CHCHD6: variants seen among roughly 807,000 people sequenced by gnomAD.
CHCHD6 encodes the protein coiled-coil-helix-coiled-coil-helix domain containing 6, also known as MICOS complex subunit MIC25.
A neutral mutation model predicts 32.3 loss-of-function variants in CHCHD6; 28 were observed. The observed-to-expected ratio is 0.87, with a 90% confidence interval of 0.64 to 1.19. CHCHD6 has a LOEUF of 1.19. Ranked by LOEUF, CHCHD6 falls within the 50% of genes most tolerant of loss-of-function variation. CHCHD6 has a pLI of 0.00. For missense variants in CHCHD6, 333 were observed against 307.0 expected, an observed-to-expected ratio of 1.08 and a Z score of -0.63; for synonymous variants, 122 against 117.5, an observed-to-expected ratio of 1.04 and a Z score of -0.25.
intron 6 of CHCHD6, among the ~76,000 whole-genome samples, chr3:126,946,263 C>T (rs944148673): frequency 2.0e-5 from 3 of 152,220 alleles, no homozygotes; most frequent in Non-Finnish European, 2.9e-5. Context: ...GCCCAGAAAG[C>T]GCCCCACCTG....
chr3:126,912,506 G>A lies in CHCHD6; in HGVS notation c.496-2174G>A, dbSNP rs77717382. On this transcript the variant is annotated intron_variant, in intron 5 of 7. Coordinates refer to ENST00000290913, the MANE Select transcript of CHCHD6 (RefSeq NM_032343.3). The stretch of plus-strand genomic sequence containing the variant: ...ATTTATTTCGTGCCTGTCGTATGCC[G>A]GGAGGGTTGGCATTTCCCAGCTGTC... Among the ~76,000 whole-genome samples, 874 of 152,298 alleles carry A rather than the reference G, an allele frequency of 5.7e-3. 10 individuals carry two copies. The highest frequency in any genetic ancestry group is 0.02 in the African/African-American group (838 of 41,560).
At chr3:126,738,767 C>G in intron 4 of CHCHD6, among the ~76,000 whole-genome samples, 1 of 152,176 alleles carries the variant, frequency 6.6e-6, no homozygotes, top group Non-Finnish European at 1.5e-5. Context: ...GGTGACAATT[C>G]AAAGGTCTGA....
chr3:126,831,699 A>C (rs1032673008), intron 4 of CHCHD6, among the ~76,000 whole-genome samples: 4 of 152,216 alleles, frequency 2.6e-5, no homozygotes, highest in Non-Finnish European at 5.9e-5. Flanking sequence ...CATACTCAAT[A>C]TGTGTGCTTC....
chr3:126,921,080 A>G (rs2078239887), intron 6 of CHCHD6, among the ~76,000 whole-genome samples: 1 of 97,956 alleles, frequency 1.0e-5, no homozygotes, highest in Non-Finnish European at 2.7e-5. Flanking sequence ...CAAGCAGTAA[A>G]GGGCCACCCC....
At chr3:126,739,472 G>C (rs1471038540) in intron 4 of CHCHD6, among the ~76,000 whole-genome samples, 1 of 152,202 alleles carries the variant, frequency 6.6e-6, no homozygotes, top group Non-Finnish European at 1.5e-5. Flanking sequence ...AGACTATGCA[G>C]CTCCAGAGAT....
In CHCHD6 at chr3:126,935,433, G is replaced by A. The variant is rs192817240; in HGVS notation, c.566+20683G>A. On this transcript the variant is annotated intron_variant, in intron 6 of 7. Transcript: ENST00000290913. Reference sequence around the variant, plus strand: ...AGGCCCAGGCTTACATGATAACCAGGTTAAGTCCCAGGCTGATGTTCCATA... The same window carrying A: ...AGGCCCAGGCTTACATGATAACCAGATTAAGTCCCAGGCTGATGTTCCATA... 9.8e-4 allele frequency among the ~76,000 whole-genome samples: 150 copies of A among 152,328 alleles called. 1 individual carries two copies. Among genetic ancestry groups the A allele is most frequent in the African/African-American group, 3.6e-3 (149 of 41,576 alleles).
At chr3:126,955,918 T>C (rs2078777429) in intron 6 of CHCHD6, among the ~76,000 whole-genome samples, 2 of 152,088 alleles carry the variant, frequency 1.3e-5, no homozygotes, top group African/African-American at 2.4e-5. Flanking sequence ...GGGGATGACA[T>C]GGACGAGAAG....
intron 1 of CHCHD6, among the ~76,000 whole-genome samples, chr3:126,713,231 A>G (rs1245272678): frequency 6.6e-6 from 1 of 152,194 alleles, no homozygotes; most frequent in African/African-American, 2.4e-5. Flanking sequence ...AAATGCAGAC[A>G]GTTAAAAAGG....
chr3:126,779,142 C>T (rs1223986571), intron 4 of CHCHD6, among the ~76,000 whole-genome samples: 1 of 151,938 alleles, frequency 6.6e-6, no homozygotes, highest in Non-Finnish European at 1.5e-5. Context: ...AACCACTGTG[C>T]CTGGTAATTT....
chr3:126,949,380 T>C, intron 6 of CHCHD6: 1 of 226,446 alleles, frequency 4.4e-6, no homozygotes, highest in Non-Finnish European at 8.7e-6. Context: ...ACACCTGCCA[T>C]GGACGGAAAA....
Position 126,767,331 on chromosome 3 carries a change from A to G in CHCHD6, c.411+34109A>G, listed in dbSNP as rs369062925. ...GCAAACACGGAGCCCATTTCCATCA[A>G]GGCCAAGGTGTAGTTCTGCCCACAT... On this transcript the variant is annotated intron_variant, in intron 4 of 7. Coordinates refer to ENST00000290913, the MANE Select transcript of CHCHD6 (RefSeq NM_032343.3). 83 of 952,694 alleles carry G rather than the reference A, an allele frequency of 8.7e-5. No individual in the cohort carries two copies. In the African/African-American group the frequency reaches 1.1e-3, roughly 13 times the overall value. 59.0% of individuals were successfully genotyped at this position (952,694 alleles called of 1,614,324 possible).
intron 4 of CHCHD6, among the ~76,000 whole-genome samples, chr3:126,833,630 G>A (rs1051426154): frequency 1.3e-5 from 2 of 152,298 alleles, no homozygotes; most frequent in African/African-American, 4.8e-5. Context: ...CAGGGCCCTT[G>A]TCTAGCATCC....
At chr3:126,905,380 G>T (rs1559914208) in intron 5 of CHCHD6, among the ~76,000 whole-genome samples, 1 of 152,190 alleles carries the variant, frequency 6.6e-6, no homozygotes, top group Admixed American at 6.5e-5. Context: ...AGCATGAACA[G>T]GAGTTTCTTG....
chr3:126,720,269 C>A (rs537794251), intron 1 of CHCHD6, among the ~76,000 whole-genome samples: 1 of 152,298 alleles, frequency 6.6e-6, no homozygotes, highest in East Asian at 1.9e-4. Context: ...GCTGTGACTG[C>A]CACTGTCATG....
At chr3:126,863,383 ACCATCACCACCTCCTCC>A (rs1942041137) in intron 5 of CHCHD6, among the ~76,000 whole-genome samples, 1 of 95,964 alleles carries the variant, frequency 1.0e-5, no homozygotes, top group Admixed American at 1.0e-4. Context: ...CTCCTCCTCT[ACCATCACCACCTCCTCC>A]TCCTCCTCTA....
In CHCHD6 at chr3:126,780,974, A is replaced by G. The variant is rs1474575419; in HGVS notation, c.411+47752A>G. On this transcript the variant is annotated intron_variant, in intron 4 of 7. Transcript: ENST00000290913. ...CTCACATCAGCACCTCAAGCAGGAA[A>G]GACACTTCTCCAGCCACTTTTGCAC... is the stretch of plus-strand genomic sequence containing the variant. Among the ~76,000 whole-genome samples the G allele has an allele frequency of 4.6e-5, 7 of 152,280 alleles. No homozygotes were observed. The Middle Eastern group carries it at 0.014, about 296-fold the overall frequency.
rs1180133178 is a variant in CHCHD6, at chr3:126,945,640, CGGGAGACTCA to C, written c.567-11765_567-11756del. Among the ~76,000 whole-genome samples the C allele has an allele frequency of 2.1e-3, 201 of 95,380 alleles. 1 individual carries two copies. Among genetic ancestry groups the C allele is most frequent in the Non-Finnish European group, 3.4e-3 (168 of 49,992 alleles). The allele number at this position is 95,380 out of a possible 152,430, so 62.6% of individuals were successfully genotyped here. ...GAGACTTGATGGGGGAGACTCAAGTCGGGAGACTCAGGGAGACTCAAGCGGGGAGACTTGG... is the reference window on the plus strand; with the variant it reads ...GAGACTTGATGGGGGAGACTCAAGTCGGGAGACTCAAGCGGGGAGACTTGG... On this transcript the variant is annotated intron_variant, in intron 6 of 7. Transcript: ENST00000290913.
chr3:126,784,425 C>G (rs996254907), intron 4 of CHCHD6, among the ~76,000 whole-genome samples: 2 of 152,178 alleles, frequency 1.3e-5, no homozygotes, highest in African/African-American at 2.4e-5. Flanking sequence ...GTGGATGTCA[C>G]TCTCCTCCTG....
At chr3:126,860,618 A>G (rs768240012) in intron 5 of CHCHD6, among the ~76,000 whole-genome samples, 1 of 152,228 alleles carries the variant, frequency 6.6e-6, no homozygotes, top group Non-Finnish European at 1.5e-5. Context: ...AGTTTTTCAC[A>G]AGGTTAGGCT....
Sources: gnomAD v4.1 joint callset for allele counts (sites outside exome capture counted in the v4.1 genomes callset) on GRCh38, gnomAD v4.1.1 for gene constraint, MANE v1.5 for transcripts, NCBI Gene and HGNC (gene_info 2026-07-23, HGNC 2026-07-21) for gene names.